Variants in CXCR2 observed in about 807,000 individuals in gnomAD.
CXCR2 encodes C-X-C chemokine receptor type 2.
In CXCR2, 2 loss-of-function variants were observed where a neutral mutation model predicts 3.7. The ratio of observed to expected loss-of-function variants is 0.55; its 90% CI spans 0.22 to 1.72. CXCR2 has a LOEUF of 1.72. CXCR2 is among the 40% of genes most tolerant of loss of function. The probability of loss-of-function intolerance (pLI) is 0.19; values close to 1 mark genes in which losing one functional copy is unlikely to be tolerated. For synonymous variants in CXCR2, 203 were observed against 193.3 expected (o/e 1.05, Z -0.41); for missense variants, 351 against 450.1 (o/e 0.78, Z 1.99).
intron 1 of CXCR2, among the ~76,000 whole-genome samples, chr2:218,128,719 A>T (rs138332687): frequency 1.9e-4 from 29 of 152,264 alleles, no homozygotes; most frequent in Non-Finnish European, 1.8e-4. Flanking sequence ...AGTGTGCGAA[A>T]CAAGAAAGAA....
Position 218,134,942 on chromosome 2 carries a change from C to T in CXCR2, c.141C>T (p.Asn47=), listed in dbSNP as rs141285974. The T allele has an allele frequency of 4.5e-5, 73 of 1,614,178 alleles. No homozygotes were observed. The African/African-American group carries it at 8.7e-4, about 19-fold the overall frequency. ...GTGAACCAGAATCCCTGGAAATCAA[C>T]AAGTATTTTGTGGTCATTATCTATG... is the stretch of plus-strand genomic sequence containing the variant. ...APCEPESLEI[N]KYFVVIIYAL... Residue 47 remains asparagine (N), a synonymous_variant, in exon 3 of 3, where the codon AAC becomes AAT. Transcript: ENST00000318507.
intron 1 of CXCR2, among the ~76,000 whole-genome samples, chr2:218,126,933 C>T (rs1216340119): frequency 6.6e-6 from 1 of 152,168 alleles, no homozygotes; most frequent in Non-Finnish European, 1.5e-5. Flanking sequence ...ACCTCGGCCT[C>T]CCAAAGTGCT....
Position 218,135,596 on chromosome 2 carries a change from GC to G in CXCR2, c.798del (p.Tyr267ThrfsTer11), listed in dbSNP as rs1280374827. 1 of 1,614,056 alleles carries G rather than the reference GC, an allele frequency of 6.2e-7. No individual in the cohort carries two copies. The highest frequency in any genetic ancestry group is 2.2e-5 in the East Asian group (1 of 44,850). On this transcript the variant is annotated frameshift_variant, in exon 3 of 3. Coordinates refer to ENST00000318507, the MANE Select transcript of CXCR2 (RefSeq NM_001557.4). LOFTEE classifies it high-confidence loss of function. The surrounding 1 kb of genome is among the most constrained non-coding windows in gnomAD (Gnocchi z 4.0). The stretch of plus-strand genomic sequence containing the variant: ...TCCTCATCTTCCTGCTCTGCTGGCT[GC>G]CCTACAACCTGGTCCTGCTGGCAGA... Reference protein sequence around the residue: ...VVLIFLLCWLPYNLVLLADTL... With the variant: ...VVLIFLLCWLXYNLVLLADTL...
At chr2:218,129,021 C>T (rs1365213388) in intron 1 of CXCR2, among the ~76,000 whole-genome samples, 1 of 152,198 alleles carries the variant, frequency 6.6e-6, no homozygotes, top group Non-Finnish European at 1.5e-5. Flanking sequence ...CTCTGAGATA[C>T]AGCAAAGATG....
chr2:218,133,472 G>A (rs1182086938), intron 2 of CXCR2, among the ~76,000 whole-genome samples: 1 of 151,788 alleles, frequency 6.6e-6, no homozygotes, highest in Non-Finnish European at 1.5e-5. Context: ...GCTAATTTTT[G>A]TATTATTAGT....
At chr2:218,134,640 C>A in intron 2 of CXCR2, 137 bp from the exon 3 acceptor site, 1 of 750,544 alleles carries the variant, frequency 1.3e-6, no homozygotes, top group Non-Finnish European at 2.1e-6. Context: ...TAAGAGCTAC[C>A]ACTTACAAAT....
chr2:218,134,434 G>A (rs1309112007), intron 2 of CXCR2, among the ~76,000 whole-genome samples: 2 of 152,162 alleles, frequency 1.3e-5, no homozygotes, highest in Admixed American at 6.5e-5. Flanking sequence ...ACCCAGCCTT[G>A]ATAGCCAAAG....
Position 218,135,205 on chromosome 2 carries a change from T to C in CXCR2, c.404T>C (p.Leu135Pro). 2.5e-6 allele frequency: 4 copies of C among 1,614,250 alleles called. No homozygotes were observed. Among genetic ancestry groups the C allele is most frequent in the Non-Finnish European group, 3.4e-6 (4 of 1,180,038 alleles). Residue 135 changes from leucine (L) to proline (P), a missense_variant, in exon 3 of 3, where the codon CTG (leucine) becomes CCG (proline). Transcript: ENST00000318507. The surrounding 1 kb of genome is among the most constrained non-coding windows in gnomAD (Gnocchi z 4.0). ...LKEVNFYSGI[L>P]LLACISVDRY... ...GAAGTCAACTTCTATAGTGGCATCC[T>C]GCTACTGGCCTGCATCAGTGTGGAC...
At position 218,136,580 on chromosome 2, in the gene CXCR2, T is replaced by C. The variant is rs185395115; in HGVS notation, c.*696T>C. 2 of 167,142 alleles carry C rather than the reference T, an allele frequency of 1.2e-5. No homozygotes were observed. The highest frequency in any genetic ancestry group is 1.9e-4 in the East Asian group (1 of 5,192). 10.4% of individuals were successfully genotyped at this position (167,142 alleles called of 1,614,324 possible). On this transcript the variant is annotated 3_prime_UTR_variant, in exon 3 of 3. Coordinates refer to ENST00000318507, the MANE Select transcript of CXCR2 (RefSeq NM_001557.4). ...ACACATGATCCTGCAATTCCACTTA[T>C]AGGAATTGACCCACAAGAAATGAAA...
In CXCR2 at chr2:218,135,922, C is replaced by G. The variant is rs996411789; in HGVS notation, c.*38C>G. 1 of 1,560,200 alleles carries G rather than the reference C, an allele frequency of 6.4e-7. No homozygotes were observed. Among genetic ancestry groups the G allele is most frequent in the Non-Finnish European group, 8.7e-7 (1 of 1,153,218 alleles). On this transcript the variant is annotated 3_prime_UTR_variant, in exon 3 of 3. Transcript: ENST00000318507. The surrounding 1 kb of genome is among the most constrained non-coding windows in gnomAD (Gnocchi z 4.0). Reference sequence around the variant, plus strand: ...AAGTGCAGCCCCGTGGGGTTCCTCCCTTCTCTTCACAGTCACATTCCAAGC... The same window carrying G: ...AAGTGCAGCCCCGTGGGGTTCCTCCGTTCTCTTCACAGTCACATTCCAAGC...
intron 2 of CXCR2, among the ~76,000 whole-genome samples, chr2:218,129,681 G>A (rs1220040572): frequency 2.6e-5 from 4 of 151,064 alleles, no homozygotes; most frequent in East Asian, 1.9e-4. Flanking sequence ...AGGATGGGCC[G>A]AACACTGTTC....
At position 218,135,045 on chromosome 2, in the gene CXCR2, G is replaced by A. The variant is rs201754155; in HGVS notation, c.244G>A (p.Val82Ile). The change falls in exon 3 of 3, where the codon GTC (valine) becomes ATC (isoleucine). Residue 82 changes from valine to isoleucine, a missense_variant. Coordinates refer to ENST00000318507, the MANE Select transcript of CXCR2 (RefSeq NM_001557.4). This position sits in a 1 kb window ranked among gnomAD's most constrained non-coding sequence, Gnocchi z 4.0. The stretch of plus-strand genomic sequence containing the variant: ...CTTATACAGCAGGGTCGGCCGCTCC[G>A]TCACTGATGTCTACCTGCTGAACCT... Reference protein sequence around the residue: ...VILYSRVGRSVTDVYLLNLAL... With the variant: ...VILYSRVGRSITDVYLLNLAL... 2.5e-5 allele frequency: 41 copies of A among 1,614,058 alleles called. No individual in the cohort carries two copies. The highest frequency in any genetic ancestry group is 1.3e-4 in the Admixed American group (8 of 60,002).
intron 2 of CXCR2, among the ~76,000 whole-genome samples, chr2:218,129,759 A>G (rs1690598157): frequency 6.6e-6 from 1 of 152,242 alleles, no homozygotes; most frequent in Non-Finnish European, 1.5e-5. Flanking sequence ...GAATACTGGA[A>G]CTGTACTAAA....
At chr2:218,130,650 G>A (rs1036807345) in intron 2 of CXCR2, among the ~76,000 whole-genome samples, 3 of 152,066 alleles carry the variant, frequency 2.0e-5, no homozygotes, top group Non-Finnish European at 4.4e-5. Context: ...CTAGAAACAG[G>A]GCCTAATTGT....
rs908368874 is a variant in CXCR2 at position 218,136,043 on chromosome 2, G to A, written c.*159G>A. 4 of 982,676 alleles carry A rather than the reference G, an allele frequency of 4.1e-6. No individual in the cohort carries two copies. In the Admixed American group the frequency reaches 7.4e-5, roughly 18 times the overall value. The allele number at this position is 982,676 out of a possible 1,614,324, so 60.9% of individuals were successfully genotyped here. A position where few individuals can be genotyped will look rare whatever the true frequency, so the allele number is the denominator to read the frequency against. Reference sequence around the variant, plus strand: ...GGCCACGTTCTTACTAGTTTCCCTTGCATGGTTTAGAAAGCTTGCCCTGGT... The same window carrying A: ...GGCCACGTTCTTACTAGTTTCCCTTACATGGTTTAGAAAGCTTGCCCTGGT... On this transcript the variant is annotated 3_prime_UTR_variant, in exon 3 of 3. Transcript: ENST00000318507.
At chr2:218,127,598 C>G (rs1259625389) in intron 1 of CXCR2, among the ~76,000 whole-genome samples, 1 of 152,188 alleles carries the variant, frequency 6.6e-6, no homozygotes, top group African/African-American at 2.4e-5. Context: ...CCTAATGGAG[C>G]TCAGAAACTT....
chr2:218,134,566 T>C lies in CXCR2; in HGVS notation c.-25-211T>C, dbSNP rs143858386. On this transcript the variant is annotated intron_variant, in intron 2 of 2. Transcript: ENST00000318507. ...AGAAATGCTAAGAATTTCTCTCTTA[T>C]ATTAAAGAGAACTATGGTCCTCTCA... Among the ~76,000 whole-genome samples the C allele has an allele frequency of 8.5e-5, 13 of 152,328 alleles. No individual in the cohort carries two copies. In the East Asian group the frequency reaches 1.9e-3, roughly 23 times the overall value.
In CXCR2 at chr2:218,135,184, T is replaced by C. The variant is rs779414575; in HGVS notation, c.383T>C (p.Val128Ala). The part of the protein sequence containing the change: ...LCKVVSLLKE[V>A]NFYSGILLLA... The stretch of plus-strand genomic sequence containing the variant: ...AAGGTGGTCTCACTCCTGAAGGAAG[T>C]CAACTTCTATAGTGGCATCCTGCTA... The change falls in exon 3 of 3, where the codon GTC becomes GCC. Residue 128 changes from valine to alanine, a missense_variant. Physicochemically the swap from Val to Ala is moderately conservative, Grantham distance 64 (BLOSUM62 0). Coordinates refer to ENST00000318507, the MANE Select transcript of CXCR2 (RefSeq NM_001557.4). This position sits in a 1 kb window ranked among gnomAD's most constrained non-coding sequence, Gnocchi z 4.0. The C allele has an allele frequency of 1.9e-6, 3 of 1,614,186 alleles. No homozygotes were observed. Among genetic ancestry groups the C allele is most frequent in the Admixed American group, 3.3e-5 (2 of 60,020 alleles).
intron 1 of CXCR2, among the ~76,000 whole-genome samples, chr2:218,126,748 G>A (rs965100590): frequency 1.3e-5 from 2 of 152,002 alleles, no homozygotes; most frequent in African/African-American, 4.8e-5. Context: ...TACAGGTCTA[G>A]GTGATTCTCC....
Sources: gnomAD v4.1 joint callset for allele counts (sites outside exome capture counted in the v4.1 genomes callset) on GRCh38, gnomAD v4.1.1 for gene constraint, Gnocchi (gnomAD v3.1) non-coding constraint, MANE v1.5 for transcripts, NCBI Gene and HGNC (gene_info 2026-07-23, HGNC 2026-07-21) for gene names.